KIF5B: variants seen among roughly 807,000 people sequenced by gnomAD.
The protein encoded by KIF5B is kinesin-1 heavy chain.
A neutral mutation model predicts 132.8 loss-of-function variants in KIF5B; 49 were observed. The observed-to-expected ratio is 0.37, with a 90% CI of 0.29 to 0.47. KIF5B has a LOEUF of 0.47. KIF5B is among the 20% of genes least tolerant of loss of function. The probability of loss-of-function intolerance (pLI) is 1.00; values close to 1 mark genes in which losing one functional copy is unlikely to be tolerated. For synonymous variants in KIF5B, 355 were observed against 369.4 expected (o/e 0.96, Z 0.45); for missense variants, 780 against 1,144.0 (o/e 0.68, Z 4.59).
chr10:32,023,081 A>T, intron 15 of KIF5B, 45 bp from the exon 16 acceptor site: 1 of 1,184,552 alleles, frequency 8.4e-7, no homozygotes, highest in Non-Finnish European at 1.2e-6. Context: ...AAAAATGTTC[A>T]ATGTGTGTTT....
chr10:32,041,657 C>T (rs1035431307), intron 2 of KIF5B, among the ~76,000 whole-genome samples: 2 of 152,188 alleles, frequency 1.3e-5, no homozygotes, highest in African/African-American at 4.8e-5. Context: ...ACAGGGTCTC[C>T]CCTCTGTTCA....
chr10:32,017,509 C>A (rs1841190537), intron 23 of KIF5B, 150 bp from the exon 24 acceptor site: 2 of 650,694 alleles, frequency 3.1e-6, no homozygotes, highest in Non-Finnish European at 5.3e-6. Context: ...GCAAGGAATA[C>A]ATCCATCTAT....
intron 22 of KIF5B, 60 bp downstream of exon 22, chr10:32,018,256 A>G: frequency 1.4e-6 from 2 of 1,452,192 alleles, no homozygotes; most frequent in Non-Finnish European, 1.9e-6. Context: ...TTGAATACAA[A>G]TAATTACCTA....
At chr10:32,027,619 T>C (rs1841349967) in intron 15 of KIF5B, among the ~76,000 whole-genome samples, 1 of 151,650 alleles carries the variant, frequency 6.6e-6, no homozygotes, top group African/African-American at 2.4e-5. Flanking sequence ...TAATCTTTTT[T>C]TTTTTTTTTT....
chr10:32,040,626 A>AACACACACACACACAC (rs72393080), intron 2 of KIF5B, among the ~76,000 whole-genome samples, 169 bp from the exon 3 acceptor site: 15 of 142,178 alleles, frequency 1.1e-4, no homozygotes, highest in African/African-American at 2.1e-4. Context: ...AACACCCTAA[A>AACACACACACACACAC]ACACACACAC....
At chr10:32,027,995 C>T (rs376021310) in intron 15 of KIF5B, among the ~76,000 whole-genome samples, 101 of 151,140 alleles carry the variant, frequency 6.7e-4, no homozygotes, top group African/African-American at 2.3e-3. Flanking sequence ...TTTCTGGAGA[C>T]AGCATCTTGA....
intron 12 of KIF5B, among the ~76,000 whole-genome samples, chr10:32,033,173 A>T (rs1169936872): frequency 6.6e-6 from 1 of 152,058 alleles, no homozygotes. Flanking sequence ...GTTTCCCTTA[A>T]TCTCTCACAT....
In KIF5B at chr10:32,031,190, C is replaced by T. The variant is rs1371007023; in HGVS notation, c.1464G>A (p.Val488=). 1.9e-6 allele frequency: 3 copies of T among 1,613,982 alleles called. No homozygotes were observed. Among genetic ancestry groups the T allele is most frequent in the Middle Eastern group, 1.7e-4 (1 of 6,060 alleles). The change falls in exon 14 of 26, where the codon GTG becomes GTA. Residue 488 remains valine, a synonymous_variant. Coordinates refer to ENST00000302418, the MANE Select transcript of KIF5B (RefSeq NM_004521.3). ...CTTCTAGGGCCTGTAAAACTTCTTT[C>T]ACTTCTTCTTTAGAGGCATCATTTT... ...QAENDASKEE[V]KEVLQALEEL... is the part of the protein sequence containing the mutation.
intron 1 of KIF5B, among the ~76,000 whole-genome samples, chr10:32,052,727 A>G (rs1033593730): frequency 6.6e-6 from 1 of 152,246 alleles, no homozygotes; most frequent in African/African-American, 2.4e-5. Context: ...AATTTAAAGC[A>G]AATAGTTTAT....
In KIF5B at chr10:32,021,118, T is replaced by C. The variant is rs183385693; in HGVS notation, c.2108A>G (p.Gln703Arg). Residue 703 changes from glutamine (Q) to arginine (R), a missense_variant, in exon 19 of 26, where the codon CAG (glutamine) becomes CGG (arginine). Transcript: ENST00000302418. The part of the protein sequence containing the change: ...TANEVKQAVE[Q>R]QIQSHRETHQ... ...AGTTTCTCTATGGCTCTGGATCTGC[T>C]GTTCAACAGCTTGCTAAAATTTTGG... 2 of 1,613,630 alleles carry C rather than the reference T, an allele frequency of 1.2e-6. No individual in the cohort carries two copies. The highest frequency in any genetic ancestry group is 4.5e-5 in the East Asian group (2 of 44,832).
In KIF5B at chr10:32,050,949, G is replaced by A. The variant is rs563892180; in HGVS notation, c.127-2398C>T. Among the ~76,000 whole-genome samples the A allele has an allele frequency of 3.9e-5, 6 of 152,294 alleles. No homozygotes were observed. The South Asian group carries it at 1.0e-3, about 26-fold the overall frequency. On this transcript the variant is annotated intron_variant, in intron 1 of 25. Transcript: ENST00000302418. ...ATAGTTTTTTCTATGCAAAAAGAAA[G>A]TAATTTTCCCTCATTTATCCAGCAG...
rs562500521 is a variant in KIF5B at position 32,021,348 on chromosome 10, C to G, written c.2033-61G>C. 49 of 1,205,182 alleles carry G rather than the reference C, an allele frequency of 4.1e-5. No individual in the cohort carries two copies. The South Asian group carries it at 4.6e-4, about 11-fold the overall frequency. The allele number at this position is 1,205,182 out of a possible 1,614,324, so 74.7% of individuals were successfully genotyped here. A position where few individuals can be genotyped will look rare whatever the true frequency, so the allele number is the denominator to read the frequency against. On this transcript the variant is annotated intron_variant, in intron 17 of 25. Coordinates refer to ENST00000302418, the MANE Select transcript of KIF5B (RefSeq NM_004521.3). ...AGCCTTTAAGGTTCCTCATATAAAC[C>G]AAGGAGCAAATGGATTTTACAATAA...
intron 13 of KIF5B, 134 bp from the exon 14 acceptor site, chr10:32,031,413 A>G (rs1201312074): frequency 8.8e-6 from 6 of 679,674 alleles, no homozygotes; most frequent in Non-Finnish European, 1.5e-5. Context: ...TTTATTCATT[A>G]AACAGATTTA....
At chr10:32,037,228 T>C in intron 8 of KIF5B, 26 bp downstream of exon 8, 1 of 1,599,928 alleles carries the variant, frequency 6.3e-7, no homozygotes, top group African/African-American at 1.3e-5. Context: ...TGCTTAAATA[T>C]TTGTCAAAAT....
Position 32,021,210 on chromosome 10 carries a change from G to A in KIF5B, c.2094+16C>T, listed in dbSNP as rs761721622. The A allele has an allele frequency of 6.2e-7, 1 of 1,610,068 alleles. No homozygotes were observed. Among genetic ancestry groups the A allele is most frequent in the Non-Finnish European group, 8.5e-7 (1 of 1,176,518 alleles). ...CTGATTAATTAAAGCTGTTAGAAATGTGACATCAAACTTGCCTTAACTTCA... is the reference window on the plus strand; with the variant it reads ...CTGATTAATTAAAGCTGTTAGAAATATGACATCAAACTTGCCTTAACTTCA... On this transcript the variant is annotated intron_variant, in intron 18 of 25. Coordinates refer to ENST00000302418, the MANE Select transcript of KIF5B (RefSeq NM_004521.3).
rs890331606 is a variant in KIF5B, at chr10:32,009,924, A to T, written c.*1613T>A. 1 of 152,112 alleles carries T rather than the reference A, an allele frequency of 6.6e-6. No homozygotes were observed. The highest frequency in any genetic ancestry group is 1.5e-5 in the Non-Finnish European group (1 of 68,012). The allele number at this position is 152,112 out of a possible 1,614,324, so 9.4% of individuals were successfully genotyped here. ...TAGAGGTTGCAGACTACAACAGCAAAGATTTTTGACTATTAAAAAAATAAA... is the reference window on the plus strand; with the variant it reads ...TAGAGGTTGCAGACTACAACAGCAATGATTTTTGACTATTAAAAAAATAAA... On this transcript the variant is annotated 3_prime_UTR_variant, in exon 26 of 26. Transcript: ENST00000302418.
At chr10:32,016,044 T>G (rs1222075810) in intron 24 of KIF5B, among the ~76,000 whole-genome samples, 2 of 151,962 alleles carry the variant, frequency 1.3e-5, no homozygotes, top group Admixed American at 6.6e-5. Flanking sequence ...CTTGGAAGGC[T>G]GAGGTGGGAG....
In KIF5B at chr10:32,011,463, T is replaced by C. The variant is rs1233822151; in HGVS notation, c.*74A>G. 2 of 150,480 alleles carry C rather than the reference T, an allele frequency of 1.3e-5. No individual in the cohort carries two copies. Among genetic ancestry groups the C allele is most frequent in the Admixed American group, 6.7e-5 (1 of 15,034 alleles). 9.3% of individuals were successfully genotyped at this position (150,480 alleles called of 1,614,324 possible). A position where few individuals can be genotyped will look rare whatever the true frequency, so the allele number is the denominator to read the frequency against. On this transcript the variant is annotated 3_prime_UTR_variant, in exon 26 of 26. Coordinates refer to ENST00000302418, the MANE Select transcript of KIF5B (RefSeq NM_004521.3). The stretch of plus-strand genomic sequence containing the variant: ...CCCAAGGGAGTAGAGGTTATAGTCA[T>C]TGAATGACTGCTTGATACCATGTCC...
At chr10:32,024,365 A>G (rs1242776831) in intron 15 of KIF5B, among the ~76,000 whole-genome samples, 23 of 146,810 alleles carry the variant, frequency 1.6e-4, no homozygotes, top group African/African-American at 3.7e-4. Flanking sequence ...CGTTTTAGCC[A>G]GGATGGTCTT....
Sources: gnomAD v4.1 joint callset for allele counts (sites outside exome capture counted in the v4.1 genomes callset) on GRCh38, gnomAD v4.1.1 for gene constraint, MANE v1.5 for transcripts, NCBI Gene and HGNC (gene_info 2026-07-23, HGNC 2026-07-21) for gene names.